TMOD3: variants seen among roughly 807,000 people sequenced by gnomAD.
TMOD3 encodes the protein tropomodulin 3.
A neutral mutation model predicts 39.2 loss-of-function variants in TMOD3; 20 were observed. That is an observed-to-expected ratio of 0.51 (90% CI 0.36 to 0.74). The LOEUF (loss-of-function observed/expected upper bound fraction) is 0.74. Ranked by LOEUF, TMOD3 falls within the 30% of genes least tolerant of loss-of-function variation. TMOD3 has a pLI of 0.00. For synonymous variants in TMOD3, 143 were observed against 145.8 expected, an observed-to-expected ratio of 0.98 and a Z score of 0.14; for missense variants, 381 against 412.8, an observed-to-expected ratio of 0.92 and a Z score of 0.67.
chr15:51,830,557 C>T (rs190952176), intron 1 of TMOD3, among the ~76,000 whole-genome samples: 1 of 152,248 alleles, frequency 6.6e-6, no homozygotes, highest in Admixed American at 6.5e-5. Context: ...ATCGCATTTC[C>T]AACTTGCCCT....
At chr15:51,889,198 T>C in intron 5 of TMOD3, 53 bp downstream of exon 5, 1 of 1,285,976 alleles carries the variant, frequency 7.8e-7, no homozygotes, top group Non-Finnish European at 1.1e-6. Flanking sequence ...ATATATTTTG[T>C]TTTCGCCTTG....
intron 9 of TMOD3, among the ~76,000 whole-genome samples, chr15:51,905,236 G>A (rs963146017): frequency 3.3e-5 from 5 of 152,182 alleles, no homozygotes; most frequent in Admixed American, 6.5e-5. Context: ...AGTGGCTCAC[G>A]CCTGTAATCC....
intron 5 of TMOD3, 138 bp from the exon 6 acceptor site, chr15:51,893,677 A>C: frequency 1.4e-6 from 1 of 696,948 alleles, no homozygotes; most frequent in South Asian, 3.7e-5. Context: ...AGGCAGGAGA[A>C]TGGCTTGAAC....
At chr15:51,850,131 G>GT (rs905662555) in intron 1 of TMOD3, among the ~76,000 whole-genome samples, 1 of 152,162 alleles carries the variant, frequency 6.6e-6, no homozygotes, top group Non-Finnish European at 1.5e-5. Flanking sequence ...GAGCCAAGAA[G>GT]TAGGGTAGTG....
At chr15:51,891,865 G>C (rs1047897634) in intron 5 of TMOD3, among the ~76,000 whole-genome samples, 2 of 152,152 alleles carry the variant, frequency 1.3e-5, no homozygotes, top group Non-Finnish European at 2.9e-5. Context: ...ACCAAGTTCT[G>C]CTTCTTGGCA....
intron 1 of TMOD3, among the ~76,000 whole-genome samples, chr15:51,858,535 G>GT (rs2056399756): frequency 6.6e-6 from 1 of 151,900 alleles, no homozygotes; most frequent in South Asian, 2.1e-4. Flanking sequence ...CTGCAATGTA[G>GT]TATCTGCATA....
intron 5 of TMOD3, chr15:51,892,438 CTG>C (rs1248430181): frequency 6.6e-6 from 1 of 152,254 alleles, no homozygotes; most frequent in Admixed American, 6.5e-5. Context: ...TTCAGGTCCT[CTG>C]TCGTTCACAT....
intron 1 of TMOD3, among the ~76,000 whole-genome samples, chr15:51,841,397 T>C (rs536475788): frequency 6.6e-6 from 1 of 152,342 alleles, no homozygotes; most frequent in African/African-American, 2.4e-5. Flanking sequence ...ACTCCTGTTT[T>C]GGGTCCTTCT....
chr15:51,832,053 T>G (rs1358547662), intron 1 of TMOD3, among the ~76,000 whole-genome samples: 1 of 151,410 alleles, frequency 6.6e-6, no homozygotes, highest in Non-Finnish European at 1.5e-5. Flanking sequence ...GTAGTGGTGA[T>G]GCCTGTAGTC....
intron 3 of TMOD3, among the ~76,000 whole-genome samples, chr15:51,882,288 C>A (rs1209751964): frequency 1.3e-5 from 2 of 151,856 alleles, no homozygotes; most frequent in Non-Finnish European, 2.9e-5. Context: ...CCTGTAATCC[C>A]AGCACTTTGG....
intron 9 of TMOD3, 117 bp from the exon 10 acceptor site, chr15:51,908,659 A>C (rs369394086): frequency 3.1e-6 from 2 of 651,216 alleles, no homozygotes; most frequent in African/African-American, 3.8e-5. Context: ...GGAAATGGAC[A>C]TTTCAATTTT....
intron 3 of TMOD3, among the ~76,000 whole-genome samples, chr15:51,877,467 C>T (rs1360916603): frequency 2.0e-5 from 3 of 152,092 alleles, no homozygotes; most frequent in African/African-American, 7.2e-5. Flanking sequence ...ATCACGAGGT[C>T]AGCAGTTCGA....
intron 3 of TMOD3, among the ~76,000 whole-genome samples, chr15:51,883,339 T>C (rs1811326): frequency 0.48 from 72,187 of 151,906 alleles, 17,377 homozygotes; most frequent in Admixed American, 0.54. Context: ...AATAATGCCT[T>C]TTAAGGAATG....
At position 51,909,361 on chromosome 15, in the gene TMOD3, C is replaced by G. The variant is rs2056698602; in HGVS notation, c.*551C>G. 1 of 152,598 alleles carries G rather than the reference C, an allele frequency of 6.6e-6. No individual in the cohort carries two copies. Among genetic ancestry groups the G allele is most frequent in the African/African-American group, 2.4e-5 (1 of 41,408 alleles). The allele number at this position is 152,598 out of a possible 1,614,324, so 9.5% of individuals were successfully genotyped here. On this transcript the variant is annotated 3_prime_UTR_variant, in exon 10 of 10. Coordinates refer to ENST00000308580, the MANE Select transcript of TMOD3 (RefSeq NM_014547.5). Reference sequence around the variant, plus strand: ...CTGTGTAGGAGCTAAAGCAGGTCTCCAGGGAGAGAGGGTGGTCGTCTGTGC... The same window carrying G: ...CTGTGTAGGAGCTAAAGCAGGTCTCGAGGGAGAGAGGGTGGTCGTCTGTGC...
At chr15:51,895,216 CTTTTTTT>C (rs974778013) in intron 6 of TMOD3, among the ~76,000 whole-genome samples, 3 of 138,144 alleles carry the variant, frequency 2.2e-5, no homozygotes, top group African/African-American at 8.0e-5. Flanking sequence ...TGATTACTAA[CTTTTTTT>C]TTTTTTTTTT....
chr15:51,865,725 G>A (rs969116906), intron 2 of TMOD3, among the ~76,000 whole-genome samples: 1 of 152,138 alleles, frequency 6.6e-6, no homozygotes, highest in Non-Finnish European at 1.5e-5. Flanking sequence ...TAAGAAAAGA[G>A]GTCAAGGGTA....
intron 1 of TMOD3, among the ~76,000 whole-genome samples, chr15:51,857,082 A>G (rs1239054455): frequency 6.6e-6 from 1 of 152,266 alleles, no homozygotes; most frequent in Non-Finnish European, 1.5e-5. Context: ...AGCTCTAAGC[A>G]TCAACTCAAA....
At chr15:51,836,968 A>G (rs1358632394) in intron 1 of TMOD3, among the ~76,000 whole-genome samples, 1 of 152,184 alleles carries the variant, frequency 6.6e-6, no homozygotes, top group African/African-American at 2.4e-5. Flanking sequence ...ATAACTAAGC[A>G]TGAACATCAT....
chr15:51,887,497 A>C (rs1004460963), intron 3 of TMOD3, 92 bp from the exon 4 acceptor site: 1 of 1,281,486 alleles, frequency 7.8e-7, no homozygotes, highest in Non-Finnish European at 1.1e-6. Context: ...CTTTTCCTTC[A>C]GGTTCAGTTG....
Sources: gnomAD v4.1 joint callset for allele counts (sites outside exome capture counted in the v4.1 genomes callset) on GRCh38, gnomAD v4.1.1 for gene constraint, MANE v1.5 for transcripts, NCBI Gene and HGNC (gene_info 2026-07-23, HGNC 2026-07-21) for gene names.